Variants in NOD1 observed in about 807,000 individuals in gnomAD.
The protein encoded by NOD1 is nucleotide binding oligomerization domain containing 1.
NOD1 carries 70 observed loss-of-function variants against 81.2 expected under a neutral mutation model. That is an observed-to-expected ratio of 0.86 (90% CI 0.71 to 1.05). NOD1 has a LOEUF of 1.05. Among genes scored for constraint, NOD1 ranks in the 50% least tolerant of loss-of-function variants. NOD1 has a pLI of 0.00. For synonymous variants in NOD1, 508 were observed against 526.9 expected (o/e 0.96, Z 0.49); for missense variants, 1,233 against 1,228.0 (o/e 1.00, Z -0.06).
chr7:30,459,861 G>A (rs780084954), intron 2 of NOD1, 40 bp downstream of exon 2: 2 of 152,558 alleles, frequency 1.3e-5, no homozygotes, highest in East Asian at 1.9e-4. Flanking sequence ...CTCCTTTCCC[G>A]ACCTTTGCCC....
chr7:30,460,739 G>T, intron 1 of NOD1: 1 of 936,426 alleles, frequency 1.1e-6, no homozygotes, highest in South Asian at 4.9e-5. Flanking sequence ...GGGAGCTGGG[G>T]GTTGCACAGG....
chr7:30,452,523 C>A lies in NOD1; in HGVS notation c.894G>T (p.Val298=). Reference sequence around the variant, plus strand: ...GCTCCCAGGGGCAGGAGCTGTCAGGCACGCGGCTCAGGTCCAAGTCCGAGT... The same window carrying A: ...GCTCCCAGGGGCAGGAGCTGTCAGGAACGCGGCTCAGGTCCAAGTCCGAGT... ...ELHSDLDLSR[V]PDSSCPWEPA... Residue 298 remains valine (V), a synonymous_variant, in exon 6 of 14, where the codon GTG becomes GTT. Coordinates refer to ENST00000222823, the MANE Select transcript of NOD1 (RefSeq NM_006092.4). 6.2e-7 allele frequency: 1 copy of A among 1,613,146 alleles called. No individual in the cohort carries two copies. The highest frequency in any genetic ancestry group is 8.5e-7 in the Non-Finnish European group (1 of 1,179,966).
At chr7:30,431,274 CAG>C (rs2127993366) in intron 12 of NOD1, among the ~76,000 whole-genome samples, 1 of 152,348 alleles carries the variant, frequency 6.6e-6, no homozygotes, top group African/African-American at 2.4e-5. Flanking sequence ...CAATATGTAG[CAG>C]AGTCTAGTCT....
chr7:30,439,088 G>C (rs1315987902), intron 9 of NOD1, among the ~76,000 whole-genome samples: 1 of 152,194 alleles, frequency 6.6e-6, no homozygotes, highest in Non-Finnish European at 1.5e-5. Context: ...AAAATAGCAA[G>C]TGTTGGCAAG....
intron 11 of NOD1, among the ~76,000 whole-genome samples, chr7:30,434,047 G>C (rs116027648): frequency 0.018 from 2,799 of 152,306 alleles, 79 homozygotes; most frequent in African/African-American, 0.063. Context: ...ATGTTGTGCA[G>C]CTTGTAGGGA....
chr7:30,459,022 C>A (rs1393112751), intron 3 of NOD1, 130 bp downstream of exon 3: 4 of 152,240 alleles, frequency 2.6e-5, no homozygotes, highest in Non-Finnish European at 4.4e-5. Flanking sequence ...CAGGTGTGAG[C>A]CACCACACCC....
Position 30,452,274 on chromosome 7 carries a change from G to A in NOD1, c.1143C>T (p.Asn381=). The change falls in exon 6 of 14, where the codon AAC becomes AAT. Residue 381 remains asparagine (N), a synonymous_variant. Coordinates refer to ENST00000222823, the MANE Select transcript of NOD1 (RefSeq NM_006092.4). The part of the protein sequence containing the change: ...QDRLLSQLEA[N]PNLCSLCSVP... Reference sequence around the variant, plus strand: ...CAGAGCACAGGCTGCAGAGGTTGGGGTTGGCCTCCAGCTGGCTCAGCAGGC... The same window carrying A: ...CAGAGCACAGGCTGCAGAGGTTGGGATTGGCCTCCAGCTGGCTCAGCAGGC... The A allele has an allele frequency of 6.2e-7, 1 of 1,613,516 alleles. No individual in the cohort carries two copies. The highest frequency in any genetic ancestry group is 8.5e-7 in the Non-Finnish European group (1 of 1,179,880).
At chr7:30,437,951 G>T (rs1352594987) in intron 9 of NOD1, among the ~76,000 whole-genome samples, 2 of 152,208 alleles carry the variant, frequency 1.3e-5, no homozygotes, top group Non-Finnish European at 2.9e-5. Context: ...TCGGAGAGCT[G>T]TCAGCCCAGG....
rs1372363030 is a variant in NOD1 at position 30,437,628 on chromosome 7, C to T, written c.2482G>A (p.Gly828Arg). ...GMWGNQVGDEGAKAFAEALRN... is the reference protein window; with the variant it reads ...GMWGNQVGDERAKAFAEALRN... ...AGAGCCTCTGCGAAGGCTTTTGCTC[C>T]TTCATCCCCAACTTGATTGCCCCAC... Residue 828 changes from glycine (G) to arginine (R), a missense_variant, in exon 10 of 14, where the codon GGA becomes AGA. Physicochemically the swap from Gly to Arg is moderately radical, Grantham distance 125. Transcript: ENST00000222823. 6.6e-7 allele frequency: 1 copy of T among 1,511,850 alleles called. No individual in the cohort carries two copies. The highest frequency in any genetic ancestry group is 8.8e-7 in the Non-Finnish European group (1 of 1,142,610). 93.7% of individuals were successfully genotyped at this position (1,511,850 alleles called of 1,614,324 possible).
chr7:30,457,916 T>C (rs7781700), intron 3 of NOD1, among the ~76,000 whole-genome samples: 5,539 of 152,146 alleles, frequency 0.036, 312 homozygotes, highest in African/African-American at 0.13. Context: ...AAGTCTGTTA[T>C]ACACAAGCAC....
intron 3 of NOD1, among the ~76,000 whole-genome samples, chr7:30,458,881 C>T (rs942090951): frequency 2.0e-5 from 3 of 151,976 alleles, no homozygotes; most frequent in Non-Finnish European, 2.9e-5. Context: ...GAACTACAGG[C>T]GGGTGCCACC....
chr7:30,435,318 G>T (rs1327730716), intron 11 of NOD1, among the ~76,000 whole-genome samples: 1 of 152,124 alleles, frequency 6.6e-6, no homozygotes, highest in Non-Finnish European at 1.5e-5. Flanking sequence ...GCTGCCTGGG[G>T]GAAGGCAGAT....
chr7:30,478,253 G>T lies in NOD1; in HGVS notation c.-352+353C>A, dbSNP rs1481641105. Among the ~76,000 whole-genome samples the T allele has an allele frequency of 2.0e-5, 3 of 152,076 alleles. No individual in the cohort carries two copies. The highest frequency in any genetic ancestry group is 4.4e-5 in the Non-Finnish European group (3 of 68,014). On this transcript the variant is annotated intron_variant, in intron 1 of 13. Coordinates refer to ENST00000222823, the MANE Select transcript of NOD1 (RefSeq NM_006092.4). This position sits in a 1 kb window ranked among gnomAD's most constrained non-coding sequence, Gnocchi z 4.1. Reference sequence around the variant, plus strand: ...ACTTGGGGAGCTTTTAAAAGATACGGAGGCCTGGGTCTGACTCCGTGAGAT... The same window carrying T: ...ACTTGGGGAGCTTTTAAAAGATACGTAGGCCTGGGTCTGACTCCGTGAGAT...
In NOD1 at chr7:30,447,170, C is replaced by G. The variant is rs537411642; in HGVS notation, c.2286-120G>C. On this transcript the variant is annotated intron_variant, in intron 7 of 13. Coordinates refer to ENST00000222823, the MANE Select transcript of NOD1 (RefSeq NM_006092.4). ...AAGTCTGGGTTGAAAGGGGAACACA[C>G]AGGCACCAGAGTTTAGGGCTCTGAG... 5.4e-5 allele frequency: 85 copies of G among 1,563,678 alleles called. No individual in the cohort carries two copies. In the African/African-American group the frequency reaches 1.1e-3, roughly 20 times the overall value.
intron 3 of NOD1, 84 bp from the exon 4 acceptor site, chr7:30,457,126 A>G (rs1337043370): frequency 3.5e-6 from 2 of 579,338 alleles, no homozygotes; most frequent in African/African-American, 1.9e-5. Flanking sequence ...GGGTTTCTCT[A>G]CCTAGAGCAG....
chr7:30,425,024 T>C lies in NOD1; in HGVS notation c.*614A>G, dbSNP rs2127975724. On this transcript the variant is annotated 3_prime_UTR_variant, in exon 14 of 14. Transcript: ENST00000222823. ...CTCCAGGATTAAAATTAAAAGCCCGTGGTGCATCCTTTCCTTGACATTAAC... is the reference window on the plus strand; with the variant it reads ...CTCCAGGATTAAAATTAAAAGCCCGCGGTGCATCCTTTCCTTGACATTAAC... 6.6e-6 allele frequency: 1 copy of C among 152,630 alleles called. No homozygotes were observed. Among genetic ancestry groups the C allele is most frequent in the East Asian group, 1.9e-4 (1 of 5,196 alleles). The allele number at this position is 152,630 out of a possible 1,614,324, so 9.5% of individuals were successfully genotyped here.
rs776913216 is a variant in NOD1 at position 30,446,154 on chromosome 7, T to C, written c.2440A>G (p.Ile814Val). 23 of 1,612,608 alleles carry C rather than the reference T, an allele frequency of 1.4e-5. No homozygotes were observed. The highest frequency in any genetic ancestry group is 5.3e-5 in the African/African-American group (4 of 74,858). The change falls in exon 9 of 14, where the codon ATC (isoleucine) becomes GTC (valine). Residue 814 changes from isoleucine to valine, a missense_variant. Transcript: ENST00000222823. ...CCTTCTACTCACCCAACCTCAGAGATTGATTTGCTGTTCTTCACAGCCAGG... is the reference window on the plus strand; with the variant it reads ...CCTTCTACTCACCCAACCTCAGAGACTGATTTGCTGTTCTTCACAGCCAGG... The part of the protein sequence containing the change: ...LALAVKNSKS[I>V]SEVGMWGNQV...
chr7:30,438,619 C>A (rs1283238791), intron 9 of NOD1, among the ~76,000 whole-genome samples: 6 of 152,220 alleles, frequency 3.9e-5, no homozygotes, highest in Non-Finnish European at 8.8e-5. Flanking sequence ...CCTGCTTACA[C>A]CATTCCAGGT....
chr7:30,468,653 C>A (rs1787952151), intron 1 of NOD1, among the ~76,000 whole-genome samples: 1 of 152,140 alleles, frequency 6.6e-6, no homozygotes, highest in African/African-American at 2.4e-5. Flanking sequence ...CATGTAGGTA[C>A]CTGCCTACCT....
Sources: allele counts gnomAD v4.1 joint callset (sites outside exome capture counted in the v4.1 genomes callset), GRCh38; gene constraint gnomAD v4.1.1; non-coding constraint Gnocchi (gnomAD v3.1); transcripts MANE v1.5; gene names NCBI Gene and HGNC (gene_info 2026-07-23, HGNC 2026-07-21).